RABGAP1: variants seen among roughly 807,000 people sequenced by gnomAD.
RABGAP1 encodes the protein RAB GTPase activating protein 1.
A neutral mutation model predicts 137.6 loss-of-function variants in RABGAP1; 23 were observed. The ratio of observed to expected loss-of-function variants is 0.17; its 90% CI spans 0.12 to 0.24. RABGAP1 has a LOEUF of 0.24. Ranked by LOEUF, RABGAP1 falls within the 10% of genes least tolerant of loss-of-function variation. The pLI, the probability that RABGAP1 is intolerant of heterozygous loss-of-function variation, is 1.00. For synonymous variants in RABGAP1, 451 were observed against 450.7 expected, an observed-to-expected ratio of 1.00 and a Z score of -0.01; for missense variants, 906 against 1,275.8, an observed-to-expected ratio of 0.71 and a Z score of 4.42.
At chr9:123,092,058 A>AT (rs2035047829) in intron 21 of RABGAP1, among the ~76,000 whole-genome samples, 1 of 152,190 alleles carries the variant, frequency 6.6e-6, no homozygotes, top group Non-Finnish European at 1.5e-5. Context: ...AAAGAAAAAA[A>AT]ATATGGGTCT....
chr9:122,991,323 A>C (rs1836710600), intron 6 of RABGAP1, among the ~76,000 whole-genome samples: 1 of 152,158 alleles, frequency 6.6e-6, no homozygotes, highest in African/African-American at 2.4e-5. Flanking sequence ...CAGTAATTGC[A>C]TGTAGAAGTC....
At chr9:122,941,001 G>T (rs1426051763), upstream of RABGAP1, 7 of 139,630 alleles carry the variant, frequency 5.0e-5, no homozygotes, top group Admixed American at 3.5e-4. Flanking sequence ...GTAAAGGGGT[G>T]GGGGGGCGGG....
chr9:123,040,130 A>G (rs1588316462), intron 13 of RABGAP1, among the ~76,000 whole-genome samples: 2 of 152,146 alleles, frequency 1.3e-5, no homozygotes, highest in Non-Finnish European at 1.5e-5. Flanking sequence ...TATAGTCTTT[A>G]GGTGTTTCTT....
chr9:122,959,995 T>C (rs1435973863), intron 2 of RABGAP1, among the ~76,000 whole-genome samples: 1 of 152,214 alleles, frequency 6.6e-6, no homozygotes, highest in African/African-American at 2.4e-5. Flanking sequence ...AAGTTGGCCT[T>C]AAAGCAGCCT....
chr9:123,066,403 C>G (rs2034174077), intron 14 of RABGAP1, among the ~76,000 whole-genome samples: 1 of 152,154 alleles, frequency 6.6e-6, no homozygotes, highest in South Asian at 2.1e-4. Flanking sequence ...ACAGAATTTC[C>G]TAGAAAGAAA....
chr9:123,099,687 C>A (rs2035285146), intron 24 of RABGAP1, 138 bp downstream of exon 24: 2 of 672,418 alleles, frequency 3.0e-6, no homozygotes, highest in South Asian at 1.9e-5. Flanking sequence ...GGTCCTGGCT[C>A]AGTAGTTGAC....
At chr9:122,971,647 T>G (rs1373485443) in intron 2 of RABGAP1, 1 of 152,166 alleles carries the variant, frequency 6.6e-6, no homozygotes, top group Non-Finnish European at 1.5e-5. Context: ...AAAACTGGAA[T>G]TCTGCAATTA....
At chr9:122,953,405 CTT>C (rs775177739) in intron 1 of RABGAP1, among the ~76,000 whole-genome samples, 24 of 143,172 alleles carry the variant, frequency 1.7e-4, no homozygotes, top group Non-Finnish European at 1.7e-4. Flanking sequence ...GAACCAGTAT[CTT>C]TTTTTTTTTT....
chr9:122,943,870 G>A (rs968471797), intron 1 of RABGAP1, among the ~76,000 whole-genome samples: 2 of 152,050 alleles, frequency 1.3e-5, no homozygotes, highest in Non-Finnish European at 2.9e-5. Flanking sequence ...GGAGAATGGC[G>A]TGAACCCGGG....
At position 122,981,604 on chromosome 9, in the gene RABGAP1, G is replaced by A. The variant is rs116524712; in HGVS notation, c.151-2881G>A. Among the ~76,000 whole-genome samples the A allele has an allele frequency of 1.7e-3, 253 of 152,216 alleles. 1 individual carries two copies. Among genetic ancestry groups the A allele is most frequent in the African/African-American group, 5.8e-3 (241 of 41,518 alleles). Reference sequence around the variant, plus strand: ...CAGACTTAGTTAATTGGAAACTCAGGTAGGGCCCAACAGTCTGTCTTAGCA... The same window carrying A: ...CAGACTTAGTTAATTGGAAACTCAGATAGGGCCCAACAGTCTGTCTTAGCA... On this transcript the variant is annotated intron_variant, in intron 2 of 25. Coordinates refer to ENST00000373647, the MANE Select transcript of RABGAP1 (RefSeq NM_012197.4).
chr9:123,074,532 T>A, intron 17 of RABGAP1, 104 bp downstream of exon 17: 1 of 1,247,880 alleles, frequency 8.0e-7, no homozygotes, highest in Middle Eastern at 2.1e-4. Context: ...ATTGGTCTCT[T>A]TAATTATTTT....
At chr9:122,973,843 C>G (rs771735405) in intron 2 of RABGAP1, among the ~76,000 whole-genome samples, 4 of 151,878 alleles carry the variant, frequency 2.6e-5, no homozygotes, top group Non-Finnish European at 5.9e-5. Flanking sequence ...AACCCCATCT[C>G]TACTAAAAAT....
At chr9:122,941,753 G>A (rs140249389) in intron 1 of RABGAP1, among the ~76,000 whole-genome samples, 16 of 152,354 alleles carry the variant, frequency 1.1e-4, no homozygotes, top group African/African-American at 1.7e-4. Flanking sequence ...TACGTGTTGA[G>A]CCAAAGGATA....
chr9:122,979,770 A>G (rs1242889176), intron 2 of RABGAP1, among the ~76,000 whole-genome samples: 1 of 152,178 alleles, frequency 6.6e-6, no homozygotes, highest in Non-Finnish European at 1.5e-5. Flanking sequence ...TTGGCCATAT[A>G]TGTGTGCATC....
intron 10 of RABGAP1, among the ~76,000 whole-genome samples, chr9:123,006,100 C>G (rs1018542461): frequency 3.3e-5 from 5 of 152,148 alleles, no homozygotes; most frequent in African/African-American, 1.2e-4. Flanking sequence ...GAGAGATTAA[C>G]CCTTGGAGAT....
rs751723211 is a variant in RABGAP1 at position 123,070,448 on chromosome 9, G to A, written c.1983+24G>A. The A allele has an allele frequency of 6.2e-7, 1 of 1,613,872 alleles. No homozygotes were observed. Among genetic ancestry groups the A allele is most frequent in the South Asian group, 1.1e-5 (1 of 91,044 alleles). On this transcript the variant is annotated intron_variant, in intron 15 of 25. Transcript: ENST00000373647. This position sits in a 1 kb window ranked among gnomAD's most constrained non-coding sequence, Gnocchi z 4.4. ...ATGTGAGTAATTAGGTCTCTGTTAT[G>A]ACTTAACACATGGCCTCCCTCAGCT...
intron 13 of RABGAP1, among the ~76,000 whole-genome samples, chr9:123,047,980 C>T (rs1290181928): frequency 1.7e-5 from 2 of 118,014 alleles, no homozygotes; most frequent in Non-Finnish European, 3.3e-5. Flanking sequence ...CTCTTGCTGC[C>T]CAGGCTGGAG....
intron 4 of RABGAP1, among the ~76,000 whole-genome samples, chr9:122,987,100 T>G (rs147242256): frequency 4.6e-5 from 7 of 151,860 alleles, no homozygotes; most frequent in Admixed American, 4.6e-4. Flanking sequence ...TCATGCCACT[T>G]CACTCCAGAC....
chr9:123,001,077 T>TGAC lies in RABGAP1; in HGVS notation c.1374+2312_1374+2314dup, dbSNP rs1288428000. 2.6e-5 allele frequency among the ~76,000 whole-genome samples: 4 copies of TGAC among 151,968 alleles called. No individual in the cohort carries two copies. In the East Asian group the frequency reaches 7.8e-4, roughly 29 times the overall value. On this transcript the variant is annotated intron_variant, in intron 10 of 25. Coordinates refer to ENST00000373647, the MANE Select transcript of RABGAP1 (RefSeq NM_012197.4). Reference sequence around the variant, plus strand: ...GTTGGCCAGGCTGGTCTCGAACTCCTGACCTCGTGATCCATCTGCCTCGGC... The same window carrying TGAC: ...GTTGGCCAGGCTGGTCTCGAACTCCTGACGACCTCGTGATCCATCTGCCTCGGC...
Sources: gnomAD v4.1 joint callset for allele counts (sites outside exome capture counted in the v4.1 genomes callset) on GRCh38, gnomAD v4.1.1 for gene constraint, Gnocchi (gnomAD v3.1) non-coding constraint, MANE v1.5 for transcripts, NCBI Gene and HGNC (gene_info 2026-07-23, HGNC 2026-07-21) for gene names.